The following RNGTT variants were observed in gnomAD, a reference collection of about 807,000 sequenced individuals.
RNGTT encodes the protein mRNA-capping enzyme.
RNGTT carries 33 observed loss-of-function variants against 79.3 expected under a neutral mutation model. The observed-to-expected ratio is 0.42, with a 90% CI of 0.32 to 0.56. RNGTT has a LOEUF of 0.56. RNGTT is among the 20% of genes least tolerant of loss of function. The pLI is 0.17. For missense variants in RNGTT, 497 were observed against 739.1 expected, an observed-to-expected ratio of 0.67 and a Z score of 3.80; for synonymous variants, 222 against 235.9, an observed-to-expected ratio of 0.94 and a Z score of 0.54.
chr6:88,935,157 A>G (rs1784626958), intron 2 of RNGTT, among the ~76,000 whole-genome samples: 2 of 151,896 alleles, frequency 1.3e-5, no homozygotes, highest in South Asian at 4.2e-4. Context: ...TGGATATCCA[A>G]TTTTCCCAGC....
At chr6:88,822,476 A>G (rs1780525773) in intron 11 of RNGTT, among the ~76,000 whole-genome samples, 1 of 152,206 alleles carries the variant, frequency 6.6e-6, no homozygotes, top group African/African-American at 2.4e-5. Context: ...AAATATCCTA[A>G]AAGTTATTTT....
At chr6:88,736,127 G>A (rs1562225158) in intron 13 of RNGTT, among the ~76,000 whole-genome samples, 1 of 152,116 alleles carries the variant, frequency 6.6e-6, no homozygotes, top group South Asian at 2.1e-4. Flanking sequence ...AAAAGTCATA[G>A]AAGGAGAAAC....
At chr6:88,744,853 C>T (rs1164148421) in intron 13 of RNGTT, among the ~76,000 whole-genome samples, 3 of 151,950 alleles carry the variant, frequency 2.0e-5, no homozygotes, top group Non-Finnish European at 2.9e-5. Context: ...GGGAAGTTAA[C>T]GAAACATTAC....
In RNGTT at chr6:88,644,756, T is replaced by G. The variant is rs548784161; in HGVS notation, c.1507-30361A>C. 2.6e-4 allele frequency among the ~76,000 whole-genome samples: 40 copies of G among 152,310 alleles called. No individual in the cohort carries two copies. In the South Asian group the frequency reaches 8.3e-3, roughly 32 times the overall value. On this transcript the variant is annotated intron_variant, in intron 14 of 15. Transcript: ENST00000369485. Reference sequence around the variant, plus strand: ...AACAGAACCAAAGACAAAAACCACATGATTATCTCAATAGATGCAGAAAAG... The same window carrying G: ...AACAGAACCAAAGACAAAAACCACAGGATTATCTCAATAGATGCAGAAAAG...
intron 13 of RNGTT, among the ~76,000 whole-genome samples, chr6:88,750,126 C>T (rs1777793312): frequency 6.6e-6 from 1 of 152,102 alleles, no homozygotes; most frequent in African/African-American, 2.4e-5. Flanking sequence ...AAACCTATTT[C>T]CAAATAGGGT....
At chr6:88,853,838 G>C (rs1213567808) in intron 8 of RNGTT, 74 bp from the exon 9 acceptor site, 2 of 888,978 alleles carry the variant, frequency 2.2e-6, no homozygotes, top group South Asian at 3.9e-5. Context: ...ATAACATACT[G>C]GTTTTCCATA....
At chr6:88,674,474 C>T (rs117666774) in intron 14 of RNGTT, among the ~76,000 whole-genome samples, 1,656 of 152,114 alleles carry the variant, frequency 0.011, 11 homozygotes, top group Non-Finnish European at 0.016. Context: ...GAGAGGCCAA[C>T]GCTGCAGTAA....
intron 9 of RNGTT, among the ~76,000 whole-genome samples, chr6:88,852,956 G>A (rs545011593): frequency 6.6e-6 from 1 of 152,264 alleles, no homozygotes; most frequent in Admixed American, 6.5e-5. Context: ...TGCTAAGTGT[G>A]GGGAAAAAGA....
At chr6:88,937,338 T>C (rs578023015) in intron 2 of RNGTT, among the ~76,000 whole-genome samples, 1 of 150,526 alleles carries the variant, frequency 6.6e-6, no homozygotes, top group Non-Finnish European at 1.5e-5. Flanking sequence ...AGAGCAAAAC[T>C]CCATCTCAAA....
At position 88,629,158 on chromosome 6, in the gene RNGTT, A is replaced by G. The variant is rs551447675; in HGVS notation, c.1507-14763T>C. On this transcript the variant is annotated intron_variant, in intron 14 of 15. Transcript: ENST00000369485. ...GGAAAAGGTGTGGACAAGAAGACGAAGAAAGTTCTAAGTGTCCTAAACTGG... is the reference window on the plus strand; with the variant it reads ...GGAAAAGGTGTGGACAAGAAGACGAGGAAAGTTCTAAGTGTCCTAAACTGG... 3.9e-5 allele frequency among the ~76,000 whole-genome samples: 6 copies of G among 152,290 alleles called. No individual in the cohort carries two copies. The East Asian group carries it at 1.2e-3, about 29-fold the overall frequency.
At position 88,839,524 on chromosome 6, in the gene RNGTT, C is replaced by T. The variant is rs529717702; in HGVS notation, c.1269+4833G>A. On this transcript the variant is annotated intron_variant, in intron 11 of 15. Coordinates refer to ENST00000369485, the MANE Select transcript of RNGTT (RefSeq NM_003800.5). Reference sequence around the variant, plus strand: ...GGTCAAGGATGCAGGGAGCCATGATCGCACCACTGCACTCTAGCCTGGATG... The same window carrying T: ...GGTCAAGGATGCAGGGAGCCATGATTGCACCACTGCACTCTAGCCTGGATG... 2.3e-4 allele frequency among the ~76,000 whole-genome samples: 35 copies of T among 151,880 alleles called. No individual in the cohort carries two copies. The South Asian group carries it at 4.0e-3, about 17-fold the overall frequency.
Position 88,637,576 on chromosome 6 carries a change from C to T in RNGTT, c.1507-23181G>A, listed in dbSNP as rs542756085. On this transcript the variant is annotated intron_variant, in intron 14 of 15. Transcript: ENST00000369485. ...GCTTTCTGGAAATGTATACCAAATT[C>T]CAGAGAGCCAGAGTCCCTGAAACAA... 7.9e-5 allele frequency among the ~76,000 whole-genome samples: 12 copies of T among 152,190 alleles called. No homozygotes were observed. The East Asian group carries it at 2.1e-3, about 27-fold the overall frequency.
At chr6:88,772,687 G>A (rs1385907315) in intron 12 of RNGTT, among the ~76,000 whole-genome samples, 2 of 152,042 alleles carry the variant, frequency 1.3e-5, no homozygotes, top group African/African-American at 4.8e-5. Flanking sequence ...CTCAAAAGAA[G>A]ATATTTATGC....
In RNGTT at chr6:88,891,888, C is replaced by T. The variant is rs1783061459; in HGVS notation, c.712G>A (p.Val238Ile). The change falls in exon 7 of 16, where the codon GTT (valine) becomes ATT (isoleucine). Residue 238 changes from valine (V) to isoleucine (I), a missense_variant. Coordinates refer to ENST00000369485, the MANE Select transcript of RNGTT (RefSeq NM_003800.5). ...LGAIFLEGVT[V>I]KGVTQVTTQP... ...GTTGTTACTTGAGTTACACCTTTAA[C>T]AGTAACACCTTCCAAGAAAATAGCG... is the stretch of plus-strand genomic sequence containing the variant. 1.9e-6 allele frequency: 3 copies of T among 1,581,050 alleles called. No homozygotes were observed. The highest frequency in any genetic ancestry group is 4.6e-5 in the East Asian group (2 of 43,792).
At chr6:88,724,069 G>C (rs759068866) in intron 13 of RNGTT, among the ~76,000 whole-genome samples, 1 of 151,948 alleles carries the variant, frequency 6.6e-6, no homozygotes, top group Admixed American at 6.5e-5. Context: ...GAGTCAAAAG[G>C]TTTAAAAAAA....
intron 12 of RNGTT, among the ~76,000 whole-genome samples, chr6:88,774,676 A>G (rs1778812996): frequency 6.6e-6 from 1 of 152,176 alleles, no homozygotes; most frequent in Admixed American, 6.5e-5. Context: ...AAACGGATGA[A>G]CCTCAAAAGC....
intron 11 of RNGTT, among the ~76,000 whole-genome samples, chr6:88,829,094 C>T (rs971276822): frequency 2.6e-5 from 4 of 152,034 alleles, no homozygotes; most frequent in Non-Finnish European, 2.9e-5. Flanking sequence ...ATCAGATTCA[C>T]CAAGGCTGAA....
At chr6:88,789,622 T>C (rs904056909) in intron 12 of RNGTT, among the ~76,000 whole-genome samples, 11 of 152,226 alleles carry the variant, frequency 7.2e-5, no homozygotes, top group African/African-American at 2.7e-4. Context: ...TTCTACCCTT[T>C]ATTCAACCTC....
At chr6:88,762,616 C>T in intron 13 of RNGTT, among the ~76,000 whole-genome samples, 1 of 152,202 alleles carries the variant, frequency 6.6e-6, no homozygotes, top group South Asian at 2.1e-4. Flanking sequence ...GCAGCCACAG[C>T]ATACTGCTTT....
Sources: allele counts gnomAD v4.1 joint callset (sites outside exome capture counted in the v4.1 genomes callset), GRCh38; gene constraint gnomAD v4.1.1; transcripts MANE v1.5; gene names NCBI Gene and HGNC (gene_info 2026-07-23, HGNC 2026-07-21).